Variants in AKAP9 observed in about 807,000 individuals in gnomAD.
AKAP9 encodes the protein A-kinase anchoring protein 9, also known as A-kinase anchor protein 9.
AKAP9 carries 311 observed loss-of-function variants against 488.5 expected under a neutral mutation model. That is an observed-to-expected ratio of 0.64 (90% CI 0.58 to 0.70). AKAP9 has a LOEUF of 0.70. Among genes scored for constraint, AKAP9 ranks in the 30% least tolerant of loss-of-function variants. The probability of loss-of-function intolerance (pLI) is 0.00; values close to 1 mark genes in which losing one functional copy is unlikely to be tolerated. For missense variants in AKAP9, 4,215 were observed against 4,374.5 expected (o/e 0.96, Z 1.03); for synonymous variants, 1,462 against 1,483.5 (o/e 0.99, Z 0.33).
At position 92,016,041 on chromosome 7, in the gene AKAP9, G is replaced by A. The variant is rs147754223; in HGVS notation, c.3613-88G>A. 1,228 of 1,107,382 alleles carry A rather than the reference G, an allele frequency of 1.1e-3. 8 individuals are homozygous for A. Among genetic ancestry groups the A allele is most frequent in the African/African-American group, 8.9e-3 (573 of 64,308 alleles). The allele number at this position is 1,107,382 out of a possible 1,614,324, so 68.6% of individuals were successfully genotyped here. A position where few individuals can be genotyped will look rare whatever the true frequency, so the allele number is the denominator to read the frequency against. On this transcript the variant is annotated intron_variant, in intron 10 of 49. Coordinates refer to ENST00000356239, the MANE Select transcript of AKAP9 (RefSeq NM_005751.5). ...ATTATTTTTGTGTGCCATTTTGACC[G>A]CCTTGCATCTAGGAGAATTATGTTT... is the stretch of plus-strand genomic sequence containing the variant.
At chr7:91,970,419 G>A in intron 1 of AKAP9, 1 of 448,592 alleles carries the variant, frequency 2.2e-6, no homozygotes, top group South Asian at 1.6e-5. Context: ...TTTACTAGTG[G>A]GTTGTATACC....
In AKAP9 at chr7:92,104,648, A is replaced by C. The variant is rs190228958; in HGVS notation, c.11331-1030A>C. On this transcript the variant is annotated intron_variant, in intron 46 of 49. Coordinates refer to ENST00000356239, the MANE Select transcript of AKAP9 (RefSeq NM_005751.5). ...CAACCAGCCCAGTCTCCCAAGTCTC[A>C]TTCATGCTGGCTCTGGAAACAGGAG... Among the ~76,000 whole-genome samples, 367 of 152,274 alleles carry C rather than the reference A, an allele frequency of 2.4e-3. 2 individuals carry two copies. The highest frequency in any genetic ancestry group is 8.3e-3 in the African/African-American group (344 of 41,552).
intron 33 of AKAP9, among the ~76,000 whole-genome samples, chr7:92,084,388 G>A (rs999029288): frequency 1.3e-5 from 2 of 151,772 alleles, no homozygotes; most frequent in Non-Finnish European, 2.9e-5. Context: ...ATTGCATAGA[G>A]TTAAATAATA....
At position 92,076,989 on chromosome 7, in the gene AKAP9, G is replaced by A. The variant is rs773949087; in HGVS notation, c.6747G>A (p.Gln2249=). 1 of 1,569,832 alleles carries A rather than the reference G, an allele frequency of 6.4e-7. No homozygotes were observed. The highest frequency in any genetic ancestry group is 8.7e-7 in the Non-Finnish European group (1 of 1,153,950). The part of the protein sequence containing the change: ...ESTTRLQELE[Q]ENKLFKDDME... ...CTACCCGCCTACAAGAACTTGAACA[G>A]GAAAACAAATTATTTAAGGTAATTA... The change falls in exon 29 of 50, where the codon CAG becomes CAA. Residue 2249 remains glutamine (Q), a synonymous_variant. Coordinates refer to ENST00000356239, the MANE Select transcript of AKAP9 (RefSeq NM_005751.5).
rs1167347720 is a variant in AKAP9 at position 92,105,669 on chromosome 7, C to G, written c.11331-9C>G. On this transcript the variant is annotated splice_polypyrimidine_tract_variant and intron_variant, in intron 46 of 49. Transcript: ENST00000356239. ...GGGCTGTGAAATTTTATCTTGGAAT[C>G]TTTTTTAGAATGAAATTTTTGGTTC... The G allele has an allele frequency of 6.2e-7, 1 of 1,610,796 alleles. No individual in the cohort carries two copies. The highest frequency in any genetic ancestry group is 2.2e-5 in the East Asian group (1 of 44,886).
intron 22 of AKAP9, among the ~76,000 whole-genome samples, chr7:92,054,658 T>C (rs1013579574): frequency 2.9e-4 from 44 of 152,086 alleles, no homozygotes; most frequent in African/African-American, 9.9e-4. Context: ...ATAGGAGTTA[T>C]TTACTTTAGA....
chr7:91,968,886 T>A (rs1290459941), intron 1 of AKAP9, among the ~76,000 whole-genome samples: 1 of 152,134 alleles, frequency 6.6e-6, no homozygotes, highest in African/African-American at 2.4e-5. Flanking sequence ...TTGTTTTGTT[T>A]TTTGAGACAG....
At chr7:92,062,012 T>G (rs1445636425) in intron 23 of AKAP9, among the ~76,000 whole-genome samples, 1 of 152,200 alleles carries the variant, frequency 6.6e-6, no homozygotes, top group East Asian at 1.9e-4. Flanking sequence ...CATAATGTGG[T>G]ACTTTGGTAT....
In AKAP9 at chr7:91,979,651, G is replaced by C. The variant is rs868839344; in HGVS notation, c.307-638G>C. ...GATAAATTAGGCACTGTACTCTTGT[G>C]CTTTGGGGCCATTACTTGAACACAA... On this transcript the variant is annotated intron_variant, in intron 2 of 49. Transcript: ENST00000356239. 4.6e-5 allele frequency among the ~76,000 whole-genome samples: 7 copies of C among 152,270 alleles called. No individual in the cohort carries two copies. In the Middle Eastern group the frequency reaches 0.01, roughly 222 times the overall value.
At chr7:92,058,865 T>G (rs1809265783) in intron 22 of AKAP9, among the ~76,000 whole-genome samples, 3 of 152,036 alleles carry the variant, frequency 2.0e-5, no homozygotes, top group Admixed American at 2.0e-4. Flanking sequence ...ATTTTAATAT[T>G]CTTAACAACC....
chr7:91,984,099 G>C (rs894463004), intron 3 of AKAP9, among the ~76,000 whole-genome samples: 1 of 152,082 alleles, frequency 6.6e-6, no homozygotes, highest in African/African-American at 2.4e-5. Flanking sequence ...CACTCTGATG[G>C]TAGTTTCTTT....
chr7:92,058,101 AAG>A (rs1809109652), intron 22 of AKAP9: 1 of 520,810 alleles, frequency 1.9e-6, no homozygotes, highest in Admixed American at 2.6e-5. Context: ...ATAAACTAAA[AAG>A]AACTTTTTAA....
intron 11 of AKAP9, 106 bp from the exon 12 acceptor site, chr7:92,016,911 C>A: frequency 3.6e-6 from 3 of 828,372 alleles, no homozygotes; most frequent in Non-Finnish European, 6.0e-6. Context: ...AGGTTTACTT[C>A]TAGCAGGCAA....
intron 40 of AKAP9, among the ~76,000 whole-genome samples, chr7:92,096,467 TG>T (rs749722334): frequency 7.9e-5 from 12 of 151,890 alleles, no homozygotes; most frequent in Non-Finnish European, 1.5e-4. Context: ...CCCAAGTAGC[TG>T]GGACTACAGG....
rs779901993 is a variant in AKAP9, at chr7:92,102,768, C to T, written c.11272C>T (p.Arg3758Cys). The T allele has an allele frequency of 6.2e-6, 10 of 1,614,072 alleles. No individual in the cohort carries two copies. The highest frequency in any genetic ancestry group is 3.3e-5 in the South Asian group (3 of 91,090). Residue 3758 changes from arginine (R) to cysteine (C), a missense_variant, in exon 46 of 50, where the codon CGC becomes TGC. Transcript: ENST00000356239. ...AFTDLEVITN[R>C]PKGFTRFRSA... The stretch of plus-strand genomic sequence containing the variant: ...CACGGATCTAGAGGTGATCACCAAT[C>T]GCCCAAAGGGCTTCACCAGGTTTCG...
At chr7:92,073,524 A>T (rs908456024) in intron 28 of AKAP9, among the ~76,000 whole-genome samples, 5 of 152,060 alleles carry the variant, frequency 3.3e-5, no homozygotes, top group Non-Finnish European at 5.9e-5. Flanking sequence ...AAGAAAACAA[A>T]AATAGATGCA....
Position 91,961,409 on chromosome 7 carries a change from C to T in AKAP9, c.49-12302C>T, listed in dbSNP as rs1198752759. 4.6e-5 allele frequency among the ~76,000 whole-genome samples: 7 copies of T among 151,728 alleles called. No individual in the cohort carries two copies. In the East Asian group the frequency reaches 9.9e-4, roughly 21 times the overall value. On this transcript the variant is annotated intron_variant, in intron 1 of 49. Coordinates refer to ENST00000356239, the MANE Select transcript of AKAP9 (RefSeq NM_005751.5). ...GTCAGGCTGGTCTCTATCTCCTGAC[C>T]TCAGGGGATCCACCCGCCTCAGCCT...
intron 46 of AKAP9, 66 bp downstream of exon 46, chr7:92,102,892 C>A: frequency 7.4e-7 from 1 of 1,353,626 alleles, no homozygotes; most frequent in Non-Finnish European, 1.1e-6. Flanking sequence ...ATTTTTAATT[C>A]TCCCTCTATT....
At chr7:92,055,663 T>C (rs568109196) in intron 22 of AKAP9, among the ~76,000 whole-genome samples, 1 of 152,160 alleles carries the variant, frequency 6.6e-6, no homozygotes, top group South Asian at 2.1e-4. Context: ...AAGTGTGTTC[T>C]TCTAAGTCAT....
Sources: allele counts gnomAD v4.1 joint callset (sites outside exome capture counted in the v4.1 genomes callset), GRCh38; gene constraint gnomAD v4.1.1; transcripts MANE v1.5; gene names NCBI Gene and HGNC (gene_info 2026-07-23, HGNC 2026-07-21).